Variants in ATP11C observed in about 807,000 individuals in gnomAD.
ATP11C encodes ATPase phospholipid transporting 11C (ATP11C blood group).
A neutral mutation model predicts 97.4 loss-of-function variants in ATP11C; 36 were observed. That is an observed-to-expected ratio of 0.37 (90% CI 0.28 to 0.49). The LOEUF (loss-of-function observed/expected upper bound fraction) is 0.49. Among genes scored for constraint, ATP11C ranks in the 20% least tolerant of loss-of-function variants. The pLI, the probability that ATP11C is intolerant of heterozygous loss-of-function variation, is 0.98. For missense variants in ATP11C, 730 were observed against 824.6 expected (o/e 0.89, Z 1.40); for synonymous variants, 275 against 290.9 (o/e 0.95, Z 0.56).
intron 1 of ATP11C, among the ~76,000 whole-genome samples, chrX:139,897,183 G>T (rs2084823767): frequency 9.0e-6 from 1 of 110,828 alleles, no homozygotes; most frequent in Non-Finnish European, 1.9e-5. Flanking sequence ...CCGAGATTGG[G>T]CCACTGCACT....
intron 24 of ATP11C, among the ~76,000 whole-genome samples, chrX:139,748,329 G>A (rs2081736592): frequency 9.1e-6 from 1 of 110,176 alleles, no homozygotes; most frequent in Non-Finnish European, 1.9e-5. Context: ...GAGGCTTTCA[G>A]CCCAGGTGTT....
In ATP11C at chrX:139,785,265, C is replaced by T. The variant is rs2082549080; in HGVS notation, c.1627G>A (p.Val543Ile). 8.3e-7 allele frequency: 1 copy of T among 1,207,618 alleles called. No homozygotes were observed. Among genetic ancestry groups the T allele is most frequent in the African/African-American group, 1.7e-5 (1 of 57,152 alleles). ...ELLHTLNFDA[V>I]RRRMSVIVKT... is the part of the protein sequence containing the mutation. ...ACAATTACACTCATACGTCGCCGGA[C>T]AGCATCAAAGTTTAAGGTGTGAAGA... Residue 543 changes from valine (V) to isoleucine (I), a missense_variant, in exon 16 of 30, where the codon GTC becomes ATC. Transcript: ENST00000682941.
chrX:139,877,812 A>G (rs77090672), intron 1 of ATP11C, among the ~76,000 whole-genome samples: 1 of 112,355 alleles, frequency 8.9e-6, no homozygotes, highest in African/African-American at 3.2e-5. Context: ...GCTTGGGGCC[A>G]GGAGTTCGAG....
intron 18 of ATP11C, among the ~76,000 whole-genome samples, chrX:139,778,607 T>C (rs943750897): frequency 9.0e-6 from 1 of 111,588 alleles, no homozygotes; most frequent in Non-Finnish European, 1.9e-5. Flanking sequence ...GGCAGGAGGA[T>C]CACCTGACGT....
At chrX:139,868,043 C>T (rs1335708011) in intron 1 of ATP11C, among the ~76,000 whole-genome samples, 1 of 111,429 alleles carries the variant, frequency 9.0e-6, no homozygotes, top group African/African-American at 3.3e-5. Context: ...TACAGAAAAA[C>T]CAGATTTATG....
intron 1 of ATP11C, among the ~76,000 whole-genome samples, chrX:139,856,470 T>C (rs1217047606): frequency 8.9e-6 from 1 of 112,621 alleles, no homozygotes; most frequent in Non-Finnish European, 1.9e-5. Context: ...GTAGTGGTAT[T>C]ATGGTGGACC....
chrX:139,803,965 T>C (rs2147796112), intron 6 of ATP11C, among the ~76,000 whole-genome samples: 1 of 110,212 alleles, frequency 9.1e-6, no homozygotes, highest in African/African-American at 3.3e-5. Flanking sequence ...CCTCCCAAAG[T>C]GCTAGGATTA....
Position 139,788,202 on chromosome X carries a change from C to T in ATP11C, c.1510G>A (p.Gly504Arg). The change falls in exon 14 of 30, where the codon GGA (glycine) becomes AGA (arginine). Residue 504 changes from glycine (G) to arginine (R), a missense_variant. Transcript: ENST00000682941. The stretch of plus-strand genomic sequence containing the variant: ...GAAAGTATACTTTACCTTTTAGCTC[C>T]TTTCACCAAAGCTATTTCATCTGGT... ...SSPDEIALVK[G>R]AKRYGFTFLG... The T allele has an allele frequency of 8.3e-7, 1 of 1,204,510 alleles. No individual in the cohort carries two copies. Among genetic ancestry groups the T allele is most frequent in the African/African-American group, 1.7e-5 (1 of 57,578 alleles).
At chrX:139,761,051 A>G (rs751344038) in intron 22 of ATP11C, among the ~76,000 whole-genome samples, 1 of 111,021 alleles carries the variant, frequency 9.0e-6, no homozygotes, top group South Asian at 3.9e-4. Flanking sequence ...TGAGAGGCTG[A>G]GGGGGGCAGA....
At chrX:139,759,482 G>C (rs1417758129) in intron 22 of ATP11C, among the ~76,000 whole-genome samples, 3 of 111,494 alleles carry the variant, frequency 2.7e-5, no homozygotes, top group Non-Finnish European at 5.7e-5. Context: ...AGCTGAGACG[G>C]TGGAGAGTAA....
At position 139,737,357 on chromosome X, in the gene ATP11C, G is replaced by C. The variant is rs189156342; in HGVS notation, c.3288+559C>G. The stretch of plus-strand genomic sequence containing the variant: ...AAAAACACACTCATAAAACTATCTT[G>C]AATTTTTACGAGTGTGTTCCAGAGG... On this transcript the variant is annotated intron_variant, in intron 28 of 29. Coordinates refer to ENST00000682941, the MANE Select transcript of ATP11C (RefSeq NM_001353812.2). Among the ~76,000 whole-genome samples, 794 of 111,268 alleles carry C rather than the reference G, an allele frequency of 7.1e-3. 7 individuals carry two copies. The highest frequency in any genetic ancestry group is 0.024 in the African/African-American group (747 of 30,677).
intron 1 of ATP11C, among the ~76,000 whole-genome samples, chrX:139,871,802 T>C (rs949407263): frequency 4.5e-5 from 5 of 111,489 alleles, no homozygotes; most frequent in African/African-American, 1.6e-4. Context: ...AGTGCTGGGA[T>C]TACAGGCGTG....
intron 14 of ATP11C, 59 bp from the exon 15 acceptor site, chrX:139,787,303 TA>T: frequency 1.0e-6 from 1 of 999,662 alleles, no homozygotes; most frequent in Non-Finnish European, 1.3e-6. Flanking sequence ...ATTTTTTTAT[TA>T]TTATTTTTTT....
At chrX:139,852,452 CGGGGGGGGGGGGGGGGGGGGGG>C (rs372368937) in intron 1 of ATP11C, among the ~76,000 whole-genome samples, 1 of 12,251 alleles carries the variant, frequency 8.2e-5, no homozygotes, top group Non-Finnish European at 2.6e-4. Context: ...CTCAGCAATG[CGGGGGGGGGGGGGGGGGGGGGG>C]GGGGGGGAAC....
chrX:139,762,284 CTAAGTT>C (rs2082052944), intron 21 of ATP11C, among the ~76,000 whole-genome samples, 178 bp from the exon 22 acceptor site: 1 of 111,966 alleles, frequency 8.9e-6, no homozygotes, highest in Non-Finnish European at 1.9e-5. Context: ...AATAATTTAA[CTAAGTT>C]TAACTGGTAA....
intron 1 of ATP11C, among the ~76,000 whole-genome samples, chrX:139,858,168 C>T (rs749328641): frequency 6.8e-4 from 77 of 113,006 alleles, no homozygotes; most frequent in Non-Finnish European, 1.1e-3. Context: ...GCTTCCCGGC[C>T]TTTGAGAACG....
intron 1 of ATP11C, among the ~76,000 whole-genome samples, chrX:139,872,127 C>T (rs757904036): frequency 4.5e-5 from 5 of 111,077 alleles, no homozygotes; most frequent in Non-Finnish European, 9.4e-5. Context: ...TTTGTGTAAA[C>T]AGCTAAAAAT....
Position 139,858,024 on chromosome X carries a change from G to A in ATP11C, c.28-31201C>T, listed in dbSNP as rs1030246755. On this transcript the variant is annotated intron_variant, in intron 1 of 29. Coordinates refer to ENST00000682941, the MANE Select transcript of ATP11C (RefSeq NM_001353812.2). ...CATGAATAGATTATTGTTAGAGTGG[G>A]TTGTTATAAAAATTAATTTGGCTCC... is the stretch of plus-strand genomic sequence containing the variant. Among the ~76,000 whole-genome samples the A allele has an allele frequency of 2.2e-4, 25 of 112,007 alleles. No homozygotes were observed. In the Admixed American group the frequency reaches 2.3e-3, roughly 10 times the overall value.
At chrX:139,768,486 G>A in intron 19 of ATP11C, 52 bp from the exon 20 acceptor site, 1 of 951,443 alleles carries the variant, frequency 1.1e-6, no homozygotes, top group South Asian at 4.4e-5. Context: ...TTTCTGTTTA[G>A]GATCCAGATT....
Sources: allele counts gnomAD v4.1 joint callset (sites outside exome capture counted in the v4.1 genomes callset), GRCh38; gene constraint gnomAD v4.1.1; transcripts MANE v1.5; gene names NCBI Gene and HGNC (gene_info 2026-07-23, HGNC 2026-07-21).